The following DTX1 variants were observed in gnomAD, a reference collection of about 807,000 sequenced individuals.
DTX1 encodes E3 ubiquitin-protein ligase DTX1.
DTX1 carries 26 observed loss-of-function variants against 57.8 expected under a neutral mutation model. The ratio of observed to expected loss-of-function variants is 0.45; its 90% CI spans 0.33 to 0.62. DTX1 has a LOEUF of 0.62. Among genes scored for constraint, DTX1 ranks in the 20% least tolerant of loss-of-function variants. DTX1 has a pLI of 0.02. For missense variants in DTX1, 704 were observed against 895.3 expected (o/e 0.79, Z 2.73); for synonymous variants, 398 against 394.1 (o/e 1.01, Z -0.12).
Position 113,093,313 on chromosome 12 carries a change from C to A in DTX1, c.1003+90C>A. The A allele has an allele frequency of 6.8e-7, 1 of 1,463,806 alleles. No homozygotes were observed. The highest frequency in any genetic ancestry group is 9.3e-7 in the Non-Finnish European group (1 of 1,078,704). The allele number at this position is 1,463,806 out of a possible 1,614,324, so 90.7% of individuals were successfully genotyped here. On this transcript the variant is annotated intron_variant, in intron 4 of 9. Transcript: ENST00000548759. The surrounding 1 kb of genome is among the most constrained non-coding windows in gnomAD (Gnocchi z 4.2). ...CCGGTGACCCCGCCCCCGAGATGGG[C>A]TGGTGAGCGTGGCCCGGAGGAAACG...
At chr12:113,095,739 A>C in intron 9 of DTX1, 1 of 335,018 alleles carries the variant, frequency 3.0e-6, no homozygotes, top group Non-Finnish European at 5.6e-6. Context: ...CCACCACCCT[A>C]CAGGTTGTCT....
Position 113,059,879 on chromosome 12 carries a change from T to G in DTX1, c.259+1428T>G, listed in dbSNP as rs141002060. Among the ~76,000 whole-genome samples the G allele has an allele frequency of 1.7e-3, 258 of 152,366 alleles. 1 individual carries two copies. Among genetic ancestry groups the G allele is most frequent in the Non-Finnish European group, 2.7e-3 (183 of 68,030 alleles). ...AGTTCTTCAGTCTCACTAGCCACACTTCAAGTGCTCATAGCCACATGTGTC... is the reference window on the plus strand; with the variant it reads ...AGTTCTTCAGTCTCACTAGCCACACGTCAAGTGCTCATAGCCACATGTGTC... On this transcript the variant is annotated intron_variant, in intron 2 of 9. Coordinates refer to ENST00000548759, the MANE Select transcript of DTX1 (RefSeq NM_004416.3).
Position 113,095,350 on chromosome 12 carries a change from A to G in DTX1, c.1574A>G (p.Lys525Arg). 1 of 1,614,234 alleles carries G rather than the reference A, an allele frequency of 6.2e-7. No individual in the cohort carries two copies. Among genetic ancestry groups the G allele is most frequent in the Non-Finnish European group, 8.5e-7 (1 of 1,180,034 alleles). The change falls in exon 9 of 10, where the codon AAG (lysine) becomes AGG (arginine). Residue 525 changes from lysine to arginine, a missense_variant. Lys to Arg is a conservative substitution (Grantham distance 26). Around this residue, in one of 3 missense-constraint regions of DTX1, gnomAD observed 168 missense variants for 255.6 expected, o/e 0.66. Transcript: ENST00000548759. ...GGCCCTGAGCACCCCAACCCCGGGA[A>G]GAAGTTCACCGCAAGAGGATTCCCT... ...IQGPEHPNPG[K>R]KFTARGFPRH... is the part of the protein sequence containing the mutation.
intron 3 of DTX1, chr12:113,090,159 GA>G (rs957558169): frequency 1.7e-4 from 26 of 152,346 alleles, no homozygotes; most frequent in African/African-American, 5.8e-4. Context: ...TTCTTCTTGT[GA>G]GGCAGAAAGG....
intron 3 of DTX1, among the ~76,000 whole-genome samples, chr12:113,087,598 G>T (rs543346589): frequency 6.6e-6 from 1 of 152,012 alleles, no homozygotes; most frequent in Non-Finnish European, 1.5e-5. Flanking sequence ...GAGGGTGGGG[G>T]GTCCCTAAAG....
intron 1 of DTX1, 85 bp downstream of exon 1, chr12:113,057,029 C>CG: frequency 6.6e-6 from 1 of 152,248 alleles, no homozygotes; most frequent in African/African-American, 2.4e-5. Context: ...GCTGGGGAAG[C>CG]GGGGCTGTTA....
chr12:113,093,261 C>G lies in DTX1; in HGVS notation c.1003+38C>G, dbSNP rs1209786495. ...CCAGGGCGGGAAAGAAGGGCGGGGCCCACTAGGAGGCAGCTCCGCCTGTCA... is the reference window on the plus strand; with the variant it reads ...CCAGGGCGGGAAAGAAGGGCGGGGCGCACTAGGAGGCAGCTCCGCCTGTCA... On this transcript the variant is annotated intron_variant, in intron 4 of 9. Coordinates refer to ENST00000548759, the MANE Select transcript of DTX1 (RefSeq NM_004416.3). The surrounding 1 kb of genome is among the most constrained non-coding windows in gnomAD (Gnocchi z 4.2). 2 of 1,557,962 alleles carry G rather than the reference C, an allele frequency of 1.3e-6. No homozygotes were observed. Among genetic ancestry groups the G allele is most frequent in the Non-Finnish European group, 1.7e-6 (2 of 1,150,426 alleles).
rs73205299 is a variant in DTX1 at position 113,097,589 on chromosome 12, C to T, written c.*650C>T. ...GGACTAGAGGGTCCTGATTTTGTGT[C>T]TGTGCCTCTTCATCTCTCTGGACTC... On this transcript the variant is annotated 3_prime_UTR_variant, in exon 10 of 10. Transcript: ENST00000548759. 0.11 allele frequency: 16,539 copies of T among 152,418 alleles called. 1,104 individuals carry two copies. Among genetic ancestry groups the T allele is most frequent in the Middle Eastern group, 0.19 (56 of 294 alleles). 9.4% of individuals were successfully genotyped at this position (152,418 alleles called of 1,614,324 possible). A position where few individuals can be genotyped will look rare whatever the true frequency, so the allele number is the denominator to read the frequency against.
Position 113,077,905 on chromosome 12 carries a change from G to T in DTX1, c.741G>T (p.Val247=). The T allele has an allele frequency of 8.3e-7, 1 of 1,209,422 alleles. No individual in the cohort carries two copies. The highest frequency in any genetic ancestry group is 1.0e-6 in the Non-Finnish European group (1 of 976,972). 74.9% of individuals were successfully genotyped at this position (1,209,422 alleles called of 1,614,324 possible). A position where few individuals can be genotyped will look rare whatever the true frequency, so the allele number is the denominator to read the frequency against. The change falls in exon 3 of 10, where the codon GTG becomes GTT. Residue 247 remains valine (V), a synonymous_variant. Transcript: ENST00000548759. This position sits in a 1 kb window ranked among gnomAD's most constrained non-coding sequence, Gnocchi z 7.8. ...GAGGGCCTCCAGGCGCGCTTGCCGTGCGCCCCAGCGCCACCTTCACAGGCG... is the reference window on the plus strand; with the variant it reads ...GAGGGCCTCCAGGCGCGCTTGCCGTTCGCCCCAGCGCCACCTTCACAGGCG... The part of the protein sequence containing the change: ...PPGGPPGALA[V]RPSATFTGAA...
chr12:113,064,428 C>T (rs991962671), intron 2 of DTX1, among the ~76,000 whole-genome samples: 1 of 152,210 alleles, frequency 6.6e-6, no homozygotes, highest in Non-Finnish European at 1.5e-5. Context: ...GTACCAGGTC[C>T]TGGGCTGGGT....
At chr12:113,079,603 C>T (rs2044801196) in intron 3 of DTX1, among the ~76,000 whole-genome samples, 1 of 142,052 alleles carries the variant, frequency 7.0e-6, no homozygotes, top group Non-Finnish European at 1.5e-5. Context: ...TCTCCACTGA[C>T]TGCAACTTCT....
chr12:113,093,737 C>A lies in DTX1; in HGVS notation c.1165+37C>A. 6.2e-7 allele frequency: 1 copy of A among 1,606,146 alleles called. No homozygotes were observed. The highest frequency in any genetic ancestry group is 8.5e-7 in the Non-Finnish European group (1 of 1,174,802). The stretch of plus-strand genomic sequence containing the variant: ...ACGCCCTGCCTCACACGAGATGAAC[C>A]CCACTAAGCCTTGACCACAACTCTG... On this transcript the variant is annotated intron_variant, in intron 5 of 9. Coordinates refer to ENST00000548759, the MANE Select transcript of DTX1 (RefSeq NM_004416.3). The surrounding 1 kb of genome is among the most constrained non-coding windows in gnomAD (Gnocchi z 4.2).
intron 2 of DTX1, among the ~76,000 whole-genome samples, chr12:113,069,195 G>A (rs2044723896): frequency 6.6e-6 from 1 of 152,090 alleles, no homozygotes; most frequent in Non-Finnish European, 1.5e-5. Context: ...TGAGAAAGGA[G>A]CAGTTTGGAG....
Position 113,095,315 on chromosome 12 carries a change from C to G in DTX1, c.1549-10C>G. On this transcript the variant is annotated splice_polypyrimidine_tract_variant and intron_variant, in intron 8 of 9. Coordinates refer to ENST00000548759, the MANE Select transcript of DTX1 (RefSeq NM_004416.3). ...CATGGTCTAAATCCCTGTACTGTCC[C>G]TCTCTGCAGGGCCCTGAGCACCCCA... The G allele has an allele frequency of 6.2e-7, 1 of 1,614,046 alleles. No homozygotes were observed. The highest frequency in any genetic ancestry group is 8.5e-7 in the Non-Finnish European group (1 of 1,179,908).
Position 113,093,452 on chromosome 12 carries a change from C to A in DTX1, c.1004-87C>A, listed in dbSNP as rs1325918577. ...CAAGAGCGCAACCCTCCCACCCACC[C>A]GAGGGCCCCGGGATTCCCAGGGCCA... On this transcript the variant is annotated intron_variant, in intron 4 of 9. Coordinates refer to ENST00000548759, the MANE Select transcript of DTX1 (RefSeq NM_004416.3). The surrounding 1 kb of genome is among the most constrained non-coding windows in gnomAD (Gnocchi z 4.2). 5 of 1,154,206 alleles carry A rather than the reference C, an allele frequency of 4.3e-6. No individual in the cohort carries two copies. The highest frequency in any genetic ancestry group is 2.8e-5 in the East Asian group (1 of 36,274). 71.5% of individuals were successfully genotyped at this position (1,154,206 alleles called of 1,614,324 possible). A position where few individuals can be genotyped will look rare whatever the true frequency, so the allele number is the denominator to read the frequency against.
chr12:113,094,741 G>T lies in DTX1; in HGVS notation c.1228-48G>T, dbSNP rs371120123. The T allele has an allele frequency of 1.1e-3, 1,745 of 1,589,614 alleles. 1 individual carries two copies. Among genetic ancestry groups the T allele is most frequent in the Non-Finnish European group, 1.4e-3 (1,665 of 1,164,914 alleles). On this transcript the variant is annotated intron_variant, in intron 6 of 9. Coordinates refer to ENST00000548759, the MANE Select transcript of DTX1 (RefSeq NM_004416.3). ...ACCAAGGGGCAGTGCTGACCCAGTA[G>T]GTGCCCTGCCCTCCCCAGTCCTCAG...
intron 2 of DTX1, 81 bp downstream of exon 2, chr12:113,058,532 A>C: frequency 6.6e-7 from 1 of 1,526,126 alleles, no homozygotes; most frequent in Non-Finnish European, 8.8e-7. Context: ...AATCCCAGTA[A>C]ATCTGCTGAT....
Position 113,093,445 on chromosome 12 carries a change from AC to A in DTX1, c.1004-91del. Reference sequence around the variant, plus strand: ...TGGGGCCCAAGAGCGCAACCCTCCCACCCACCCGAGGGCCCCGGGATTCCCA... The same window carrying A: ...TGGGGCCCAAGAGCGCAACCCTCCCACCACCCGAGGGCCCCGGGATTCCCA... On this transcript the variant is annotated intron_variant, in intron 4 of 9. Transcript: ENST00000548759. The surrounding 1 kb of genome is among the most constrained non-coding windows in gnomAD (Gnocchi z 4.2). The A allele has an allele frequency of 3.5e-6, 2 of 565,026 alleles. No individual in the cohort carries two copies. The highest frequency in any genetic ancestry group is 5.6e-6 in the Non-Finnish European group (2 of 358,490). The allele number at this position is 565,026 out of a possible 1,614,324, so 35.0% of individuals were successfully genotyped here.
rs968029863 is a variant in DTX1, at chr12:113,097,162, G to T, written c.*223G>T. On this transcript the variant is annotated 3_prime_UTR_variant, in exon 10 of 10. Coordinates refer to ENST00000548759, the MANE Select transcript of DTX1 (RefSeq NM_004416.3). Reference sequence around the variant, plus strand: ...CTGAGAGGGCCAAGCAGAGAGTACTGGAAACCTCCCTACCAAAAAGACAGA... The same window carrying T: ...CTGAGAGGGCCAAGCAGAGAGTACTTGAAACCTCCCTACCAAAAAGACAGA... The T allele has an allele frequency of 1.1e-5, 6 of 565,230 alleles. No homozygotes were observed. Among genetic ancestry groups the T allele is most frequent in the Middle Eastern group, 4.7e-4 (1 of 2,144 alleles). 35.0% of individuals were successfully genotyped at this position (565,230 alleles called of 1,614,324 possible). A position where few individuals can be genotyped will look rare whatever the true frequency, so the allele number is the denominator to read the frequency against.
Sources: allele counts gnomAD v4.1 joint callset (sites outside exome capture counted in the v4.1 genomes callset), GRCh38; gene constraint gnomAD v4.1.1; regional missense constraint gnomAD v4.1.1; non-coding constraint Gnocchi (gnomAD v3.1); transcripts MANE v1.5; gene names NCBI Gene and HGNC (gene_info 2026-07-23, HGNC 2026-07-21).